Variants in MSI2 observed in about 807,000 individuals in gnomAD.
MSI2 encodes RNA-binding protein Musashi homolog 2.
In MSI2, 17 loss-of-function variants were observed where a neutral mutation model predicts 45.6. That is an observed-to-expected ratio of 0.37 (90% CI 0.26 to 0.56). The LOEUF (loss-of-function observed/expected upper bound fraction) is 0.56, where lower values mean the gene tolerates loss of function less well. MSI2 is among the 20% of genes least tolerant of loss of function. The pLI is 0.77. For synonymous variants in MSI2, 156 were observed against 158.2 expected, an observed-to-expected ratio of 0.99 and a Z score of 0.11; for missense variants, 293 against 444.2, an observed-to-expected ratio of 0.66 and a Z score of 3.06.
chr17:57,468,821 G>C lies in MSI2; in HGVS notation c.406-60855G>C, dbSNP rs536909468. ...GTTGTAAAGAGCAGCTGAGGATGGC[G>C]AGCGCTGGGGAGATGCTGTAGGGGG... On this transcript the variant is annotated intron_variant, in intron 6 of 13. Transcript: ENST00000284073. Among the ~76,000 whole-genome samples, 5 of 152,236 alleles carry C rather than the reference G, an allele frequency of 3.3e-5. No individual in the cohort carries two copies. In the South Asian group the frequency reaches 1.0e-3, roughly 32 times the overall value.
chr17:57,562,628 T>A (rs1043923950), intron 7 of MSI2, among the ~76,000 whole-genome samples: 1 of 152,032 alleles, frequency 6.6e-6, no homozygotes, highest in Non-Finnish European at 1.5e-5. Flanking sequence ...TTAAAAATAC[T>A]ATGTTGGGAA....
intron 5 of MSI2, among the ~76,000 whole-genome samples, chr17:57,391,589 C>T (rs1294325542): frequency 6.6e-6 from 1 of 152,174 alleles, no homozygotes; most frequent in East Asian, 1.9e-4. Context: ...GGCCCTACCC[C>T]TCACCGTGAG....
At position 57,465,921 on chromosome 17, in the gene MSI2, G is replaced by A. The variant is rs117984035; in HGVS notation, c.406-63755G>A. 5.3e-5 allele frequency among the ~76,000 whole-genome samples: 8 copies of A among 152,328 alleles called. No individual in the cohort carries two copies. In the East Asian group the frequency reaches 1.3e-3, roughly 26 times the overall value. On this transcript the variant is annotated intron_variant, in intron 6 of 13. Transcript: ENST00000284073. ...AAGGGTTTCCAAAGTCTATTAGGCG[G>A]CAAATGCTTTCATGGCTTTGGAATC... is the stretch of plus-strand genomic sequence containing the variant.
intron 6 of MSI2, among the ~76,000 whole-genome samples, chr17:57,465,600 T>C (rs2085315476): frequency 6.6e-6 from 1 of 152,110 alleles, no homozygotes; most frequent in Non-Finnish European, 1.5e-5. Context: ...ATGCTAATAG[T>C]TCTATGTCCT....
chr17:57,322,455 A>G (rs1032143487), intron 5 of MSI2, among the ~76,000 whole-genome samples: 1 of 152,216 alleles, frequency 6.6e-6, no homozygotes, highest in Non-Finnish European at 1.5e-5. Flanking sequence ...GACAATGGAA[A>G]CTATTTTTGG....
intron 7 of MSI2, among the ~76,000 whole-genome samples, chr17:57,543,429 G>A (rs1462078508): frequency 6.6e-6 from 1 of 152,206 alleles, no homozygotes; most frequent in East Asian, 1.9e-4. Flanking sequence ...GAAGGCTGGG[G>A]GGACGGCACG....
At chr17:57,284,214 C>T (rs1006141193) in intron 5 of MSI2, among the ~76,000 whole-genome samples, 18 of 152,042 alleles carry the variant, frequency 1.2e-4, no homozygotes, top group Non-Finnish European at 2.4e-4. Context: ...TGTGCTGGGC[C>T]CTCCACCCGG....
intron 11 of MSI2, chr17:57,671,615 C>T (rs888215437): frequency 1.3e-5 from 2 of 152,124 alleles, no homozygotes; most frequent in Non-Finnish European, 2.9e-5. Context: ...CCCCCCAACC[C>T]CACTCCCCAC....
chr17:57,601,046 G>T (rs1019972179), intron 8 of MSI2: 2 of 152,178 alleles, frequency 1.3e-5, no homozygotes, highest in African/African-American at 4.8e-5. Flanking sequence ...TCCCCTTCAG[G>T]CCAAAAGGGG....
At chr17:57,668,264 G>A (rs1268764061) in intron 11 of MSI2, among the ~76,000 whole-genome samples, 6 of 152,096 alleles carry the variant, frequency 3.9e-5, no homozygotes, top group South Asian at 2.1e-4. Context: ...ACACCAATCC[G>A]AATGGTAGTG....
intron 7 of MSI2, among the ~76,000 whole-genome samples, chr17:57,592,549 T>G (rs1904937328): frequency 6.6e-6 from 1 of 152,246 alleles, no homozygotes; most frequent in African/African-American, 2.4e-5. Flanking sequence ...ACAGAGATGT[T>G]GAAATGATAT....
At chr17:57,413,275 A>T (rs2084231095) in intron 6 of MSI2, among the ~76,000 whole-genome samples, 2 of 152,190 alleles carry the variant, frequency 1.3e-5, no homozygotes, top group Admixed American at 1.3e-4. Flanking sequence ...AATGATGCAA[A>T]CTAAAAAGCC....
At chr17:57,266,088 A>AC (rs1228621470) in intron 5 of MSI2, 6 of 152,146 alleles carry the variant, frequency 3.9e-5, no homozygotes, top group Non-Finnish European at 7.3e-5. Flanking sequence ...TCCTTCCTTA[A>AC]CTTTTAGAGG....
At chr17:57,503,157 G>T (rs1202605469) in intron 6 of MSI2, among the ~76,000 whole-genome samples, 1 of 152,164 alleles carries the variant, frequency 6.6e-6, no homozygotes, top group Admixed American at 6.5e-5. Context: ...GGGTGGCTTA[G>T]AGACTGATAC....
At chr17:57,593,901 G>C (rs937221338) in intron 7 of MSI2, among the ~76,000 whole-genome samples, 1 of 152,158 alleles carries the variant, frequency 6.6e-6, no homozygotes, top group African/African-American at 2.4e-5. Context: ...CCTCTGACTC[G>C]TGCCTGTTCG....
chr17:57,398,887 G>A (rs2083938112), intron 5 of MSI2, among the ~76,000 whole-genome samples: 1 of 144,962 alleles, frequency 6.9e-6, no homozygotes, highest in Non-Finnish European at 1.5e-5. Context: ...ATGTAAATCT[G>A]GAAAGGGCTA....
chr17:57,594,387 G>T (rs1905097143), intron 7 of MSI2, among the ~76,000 whole-genome samples: 1 of 152,182 alleles, frequency 6.6e-6, no homozygotes. Context: ...TCCTTGACTG[G>T]GTGGGAGTTT....
At chr17:57,582,845 T>G (rs1301454562) in intron 7 of MSI2, among the ~76,000 whole-genome samples, 2 of 152,232 alleles carry the variant, frequency 1.3e-5, no homozygotes, top group African/African-American at 4.8e-5. Context: ...TTTACAGTTC[T>G]GTTTCCGGAT....
In MSI2 at chr17:57,680,045, G is replaced by A. The variant is rs866585541; in HGVS notation, c.*528G>A. The A allele has an allele frequency of 1.3e-5, 3 of 228,466 alleles. No individual in the cohort carries two copies. The highest frequency in any genetic ancestry group is 2.6e-3 in the Middle Eastern group (2 of 764). The allele number at this position is 228,466 out of a possible 1,614,324, so 14.2% of individuals were successfully genotyped here. A position where few individuals can be genotyped will look rare whatever the true frequency, so the allele number is the denominator to read the frequency against. ...ATATTTTGGTACCAATTCTGAGACT[G>A]TATGAATTTTCAGGTGGAACTTTAG... On this transcript the variant is annotated 3_prime_UTR_variant, in exon 14 of 14. Transcript: ENST00000284073.
Sources: gnomAD v4.1 joint callset for allele counts (sites outside exome capture counted in the v4.1 genomes callset) on GRCh38, gnomAD v4.1.1 for gene constraint, MANE v1.5 for transcripts, NCBI Gene and HGNC (gene_info 2026-07-23, HGNC 2026-07-21) for gene names.